Variants in WWOX observed in about 807,000 individuals in gnomAD.
The protein encoded by WWOX is WW domain-containing oxidoreductase.
WWOX carries 69 observed loss-of-function variants against 46.2 expected under a neutral mutation model. That is an observed-to-expected ratio of 1.49 (90% confidence interval 1.23 to 1.82). The LOEUF (loss-of-function observed/expected upper bound fraction) is 1.82. WWOX is among the 40% of genes most tolerant of loss of function. WWOX has a pLI of 0.00. For synonymous variants in WWOX, 359 were observed against 202.6 expected, an observed-to-expected ratio of 1.77 and a Z score of -6.56; for missense variants, 919 against 542.6, an observed-to-expected ratio of 1.69 and a Z score of -6.89.
At chr16:78,975,801 C>T (rs953474276) in intron 8 of WWOX, among the ~76,000 whole-genome samples, 2 of 152,092 alleles carry the variant, frequency 1.3e-5, no homozygotes, top group East Asian at 1.9e-4. Context: ...TTCTGCCAGG[C>T]CCTTGGAGGG....
chr16:78,490,850 C>G (rs569200381), intron 8 of WWOX, among the ~76,000 whole-genome samples: 3 of 152,308 alleles, frequency 2.0e-5, no homozygotes, highest in Non-Finnish European at 2.9e-5. Context: ...GAGAAGCTCA[C>G]CCATCACCAT....
intron 8 of WWOX, among the ~76,000 whole-genome samples, chr16:78,565,095 C>T (rs1021559005): frequency 6.6e-6 from 1 of 152,168 alleles, no homozygotes. Flanking sequence ...TCAGTTTGTC[C>T]ATTCATTCAT....
In WWOX at chr16:78,580,582, C is replaced by G. The variant is rs926256314; in HGVS notation, c.1056+147830C>G. Among the ~76,000 whole-genome samples, 48 of 152,188 alleles carry G rather than the reference C, an allele frequency of 3.2e-4. 1 individual carries two copies. The highest frequency in any genetic ancestry group is 3.1e-3 in the Admixed American group (48 of 15,280). On this transcript the variant is annotated intron_variant, in intron 8 of 8. Transcript: ENST00000566780. ...AAAGACACAGAAAGGATTTCTTTAT[C>G]GTAAGCACACTTCTCTACATTACCT...
At chr16:78,796,807 C>A (rs1205677701) in intron 8 of WWOX, among the ~76,000 whole-genome samples, 2 of 151,398 alleles carry the variant, frequency 1.3e-5, no homozygotes, top group Non-Finnish European at 2.9e-5. Context: ...ACCTTTGATC[C>A]CATGTTTCTT....
intron 8 of WWOX, among the ~76,000 whole-genome samples, chr16:78,759,310 C>A (rs922041890): frequency 6.6e-6 from 1 of 152,110 alleles, no homozygotes; most frequent in South Asian, 2.1e-4. Context: ...GAAATGAATT[C>A]GTAAGTGTGC....
intron 8 of WWOX, among the ~76,000 whole-genome samples, chr16:79,022,499 C>G (rs1031707303): frequency 6.6e-6 from 1 of 151,896 alleles, no homozygotes; most frequent in African/African-American, 2.4e-5. Context: ...GGAGCTGAGT[C>G]CCATTATATT....
chr16:78,994,670 T>A (rs1189860936), intron 8 of WWOX, among the ~76,000 whole-genome samples: 2 of 152,086 alleles, frequency 1.3e-5, no homozygotes, highest in East Asian at 3.9e-4. Flanking sequence ...CCCAATCGCG[T>A]CACACTGTAA....
intron 8 of WWOX, among the ~76,000 whole-genome samples, chr16:78,631,363 C>T (rs899668868): frequency 3.9e-5 from 6 of 152,094 alleles, no homozygotes; most frequent in Non-Finnish European, 1.5e-5. Flanking sequence ...GTCCAGCATC[C>T]ATTCCCCAAA....
At chr16:78,615,549 T>A (rs1379543948) in intron 8 of WWOX, among the ~76,000 whole-genome samples, 1 of 151,746 alleles carries the variant, frequency 6.6e-6, no homozygotes, top group Non-Finnish European at 1.5e-5. Context: ...TTGGGACTAC[T>A]AGAAAGGTAA....
chr16:78,894,942 T>A (rs1054117094), intron 8 of WWOX, among the ~76,000 whole-genome samples: 14 of 152,142 alleles, frequency 9.2e-5, no homozygotes, highest in African/African-American at 3.1e-4. Flanking sequence ...ATTACGATAG[T>A]TCCAATGGAT....
intron 8 of WWOX, among the ~76,000 whole-genome samples, chr16:78,526,708 G>A (rs1380719213): frequency 6.6e-6 from 1 of 152,180 alleles, no homozygotes; most frequent in African/African-American, 2.4e-5. Flanking sequence ...AGCCTTTGCT[G>A]ACCTGTGACC....
At chr16:78,641,915 C>G (rs2046723598) in intron 8 of WWOX, among the ~76,000 whole-genome samples, 1 of 152,102 alleles carries the variant, frequency 6.6e-6, no homozygotes. Flanking sequence ...GAGTGGCTTA[C>G]CAAATAGATC....
chr16:79,044,014 G>C (rs2048021407), intron 8 of WWOX, among the ~76,000 whole-genome samples: 4 of 152,206 alleles, frequency 2.6e-5, no homozygotes, highest in Admixed American at 2.6e-4. Flanking sequence ...CCTGAGTTAT[G>C]TGCTCTCTCC....
intron 1 of WWOX, among the ~76,000 whole-genome samples, chr16:78,108,221 C>G (rs139402263): frequency 6.6e-6 from 1 of 150,508 alleles, no homozygotes; most frequent in Non-Finnish European, 1.5e-5. Context: ...CCACCGCTCC[C>G]GACGGCCTCT....
chr16:78,928,412 C>T (rs975706919), intron 8 of WWOX, among the ~76,000 whole-genome samples: 1 of 151,846 alleles, frequency 6.6e-6, no homozygotes, highest in Non-Finnish European at 1.5e-5. Context: ...CCGTGTTAGC[C>T]AGGATGGTCT....
chr16:78,862,160 G>A (rs541727279), intron 8 of WWOX, among the ~76,000 whole-genome samples: 3 of 140,876 alleles, frequency 2.1e-5, no homozygotes, highest in African/African-American at 7.5e-5. Flanking sequence ...GGGTGTGTCT[G>A]TCTGTATCTA....
At chr16:78,724,182 A>T (rs943909490) in intron 8 of WWOX, among the ~76,000 whole-genome samples, 10 of 152,172 alleles carry the variant, frequency 6.6e-5, no homozygotes, top group Non-Finnish European at 1.2e-4. Flanking sequence ...TCACTCCGTC[A>T]TTTATAACCT....
intron 5 of WWOX, among the ~76,000 whole-genome samples, chr16:78,337,741 A>AAAGCGGTAT (rs1567510463): frequency 8.0e-6 from 1 of 124,494 alleles, no homozygotes; most frequent in African/African-American, 2.7e-5. Flanking sequence ...AGTGCTCAGA[A>AAAGCGGTAT]TGAAATATCC....
At chr16:78,803,121 T>C in intron 8 of WWOX, among the ~76,000 whole-genome samples, 1 of 151,630 alleles carries the variant, frequency 6.6e-6, no homozygotes, top group East Asian at 1.9e-4. Flanking sequence ...CAATTATATA[T>C]AAATTAGTCT....
Sources: allele counts gnomAD v4.1 joint callset (sites outside exome capture counted in the v4.1 genomes callset), GRCh38; gene constraint gnomAD v4.1.1; transcripts MANE v1.5; gene names NCBI Gene and HGNC (gene_info 2026-07-23, HGNC 2026-07-21).